The following IGFALS variants were observed in gnomAD, a reference collection of about 807,000 sequenced individuals.
IGFALS encodes the protein insulin like growth factor binding protein acid labile subunit, also known as insulin-like growth factor-binding protein complex acid labile subunit.
A neutral mutation model predicts 2.6 loss-of-function variants in IGFALS; 2 were observed. The observed-to-expected ratio is 0.77, with a 90% CI of 0.32 to 2.44. The LOEUF (loss-of-function observed/expected upper bound fraction) is 2.44, where lower values mean the gene tolerates loss of function less well. IGFALS is among the 30% of genes most tolerant of loss of function. The probability of loss-of-function intolerance (pLI) is 0.11; values close to 1 mark genes in which losing one functional copy is unlikely to be tolerated. For missense variants in IGFALS, 996 were observed against 848.7 expected (o/e 1.17, Z -2.16); for synonymous variants, 519 against 431.9 (o/e 1.20, Z -2.50).
At position 1,793,667 on chromosome 16, in the gene IGFALS, A is replaced by T; in HGVS notation, c.-15T>A. ...CTCAGGGCCATCCTGCATGCAGGGC[A>T]GGCTGCAGGCAGGCAGCGAGGGAGG... On this transcript the variant is annotated 5_prime_UTR_variant, in exon 1 of 2. Transcript: ENST00000215539. 6.3e-7 allele frequency: 1 copy of T among 1,592,488 alleles called. No individual in the cohort carries two copies. Among genetic ancestry groups the T allele is most frequent in the Non-Finnish European group, 8.6e-7 (1 of 1,169,130 alleles).
chr16:1,792,011 C>T lies in IGFALS; in HGVS notation c.407G>A (p.Ser136Asn). The change falls in exon 2 of 2, where the codon AGC becomes AAC. Residue 136 changes from serine to asparagine, a missense_variant. By Grantham distance (46) the Ser-to-Asn change is conservative (BLOSUM62 1). Transcript: ENST00000215539. ...GTGTGCAAACGTGCCGAGTGCCAGG[C>T]TGCGCAGCTGGTTCCGCTCCAGGTG... ...HLHLERNQLR[S>N]LALGTFAHTP... The T allele has an allele frequency of 6.2e-7, 1 of 1,609,416 alleles. No homozygotes were observed. Among genetic ancestry groups the T allele is most frequent in the Non-Finnish European group, 8.5e-7 (1 of 1,179,216 alleles).
chr16:1,793,276 G>A (rs1897271777), intron 1 of IGFALS, among the ~76,000 whole-genome samples: 1 of 152,134 alleles, frequency 6.6e-6, no homozygotes, highest in African/African-American at 2.4e-5. Context: ...AGAGACAATG[G>A]GGTGTGAGCC....
upstream of IGFALS, among the ~76,000 whole-genome samples, chr16:1,794,576 A>T (rs35166201): frequency 2.6e-5 from 4 of 152,254 alleles, no homozygotes; most frequent in East Asian, 7.7e-4. Context: ...ACCTGCCTCC[A>T]GAGGCCCCTG....
Position 1,791,003 on chromosome 16 carries a change from T to G in IGFALS, c.1415A>C (p.Glu472Ala), listed in dbSNP as rs1053975229. ...YLLLSRNRLA[E>A]LPADALGPLQ... ...GGGGCCCAGGGCGTCCGCCGGCAGCTCTGCCAGGCGGTTGCGGGAGAGCAG... is the reference window on the plus strand; with the variant it reads ...GGGGCCCAGGGCGTCCGCCGGCAGCGCTGCCAGGCGGTTGCGGGAGAGCAG... Residue 472 changes from glutamate to alanine, a missense_variant, in exon 2 of 2, where the codon GAG (glutamate) becomes GCG (alanine). Coordinates refer to ENST00000215539, the MANE Select transcript of IGFALS (RefSeq NM_004970.3). 4.4e-6 allele frequency: 7 copies of G among 1,597,864 alleles called. No individual in the cohort carries two copies. In the African/African-American group the frequency reaches 9.3e-5, roughly 21 times the overall value.
At chr16:1,792,621 A>G in intron 1 of IGFALS, 2 of 804,196 alleles carry the variant, frequency 2.5e-6, no homozygotes, top group Non-Finnish European at 3.6e-6. Flanking sequence ...GCCCCGCTGC[A>G]CAGACGCTCA....
In IGFALS at chr16:1,790,877, C is replaced by T; in HGVS notation, c.1541G>A (p.Arg514Lys). 6.4e-7 allele frequency: 1 copy of T among 1,570,380 alleles called. No homozygotes were observed. The highest frequency in any genetic ancestry group is 1.2e-5 in the South Asian group (1 of 86,450). ...PLGRLRYLSLRNNSLRTFTPQ... is the reference protein window; with the variant it reads ...PLGRLRYLSLKNNSLRTFTPQ... ...CGTGAAGGTCCGCAGTGAGTTGTTC[C>T]TGAGGCTGAGGTAGCGCAGCCGCCC... Residue 514 changes from arginine (R) to lysine (K), a missense_variant, in exon 2 of 2, where the codon AGG becomes AAG. By Grantham distance (26) the Arg-to-Lys change is conservative. Transcript: ENST00000215539.
In IGFALS at chr16:1,790,535, C is replaced by A. The variant is rs1014508625; in HGVS notation, c.*65G>T. The A allele has an allele frequency of 7.2e-7, 1 of 1,384,584 alleles. No individual in the cohort carries two copies. The highest frequency in any genetic ancestry group is 1.4e-5 in the African/African-American group (1 of 69,780). 85.8% of individuals were successfully genotyped at this position (1,384,584 alleles called of 1,614,324 possible). The stretch of plus-strand genomic sequence containing the variant: ...GGCAGGCCCCTGAGGACACTGAGGA[C>A]CTGTCCCCAGCACAAGGTGAGCCAG... On this transcript the variant is annotated 3_prime_UTR_variant, in exon 2 of 2. Transcript: ENST00000215539.
chr16:1,791,875 G>C lies in IGFALS; in HGVS notation c.543C>G (p.Ser181Arg), dbSNP rs767254134. The C allele has an allele frequency of 1.3e-6, 2 of 1,562,116 alleles. No individual in the cohort carries two copies. The highest frequency in any genetic ancestry group is 1.2e-5 in the South Asian group (1 of 85,502). ...ACGCCGCATCGGGGAGCACCGCCAGGCTATTCCAGCCGAGGTTGAGGTCCC... is the reference window on the plus strand; with the variant it reads ...ACGCCGCATCGGGGAGCACCGCCAGCCTATTCCAGCCGAGGTTGAGGTCCC... Reference protein sequence around the residue: ...SLWDLNLGWNSLAVLPDAAFR... With the variant: ...SLWDLNLGWNRLAVLPDAAFR... Residue 181 changes from serine (S) to arginine (R), a missense_variant, in exon 2 of 2, where the codon AGC (serine) becomes AGG (arginine). Ser to Arg is a moderately radical substitution (Grantham distance 110, BLOSUM62 -1). Coordinates refer to ENST00000215539, the MANE Select transcript of IGFALS (RefSeq NM_004970.3).
Position 1,790,512 on chromosome 16 carries a change from CAGGCCCCTG to C in IGFALS, c.*79_*87del, listed in dbSNP as rs1372046811. 1.7e-6 allele frequency: 2 copies of C among 1,152,902 alleles called. No individual in the cohort carries two copies. Among genetic ancestry groups the C allele is most frequent in the Non-Finnish European group, 1.3e-6 (1 of 793,004 alleles). 71.4% of individuals were successfully genotyped at this position (1,152,902 alleles called of 1,614,324 possible). A position where few individuals can be genotyped will look rare whatever the true frequency, so the allele number is the denominator to read the frequency against. ...TGCGTCTTCCAGCAAGTGCACTGGG[CAGGCCCCTG>C]AGGACACTGAGGACCTGTCCCCAGC... On this transcript the variant is annotated 3_prime_UTR_variant, in exon 2 of 2. Coordinates refer to ENST00000215539, the MANE Select transcript of IGFALS (RefSeq NM_004970.3).
In IGFALS at chr16:1,792,315, C is replaced by T. The variant is rs1033116111; in HGVS notation, c.103G>A (p.Glu35Lys). 6.3e-7 allele frequency: 1 copy of T among 1,596,694 alleles called. No individual in the cohort carries two copies. Among genetic ancestry groups the T allele is most frequent in the Non-Finnish European group, 8.5e-7 (1 of 1,178,288 alleles). Residue 35 changes from glutamate (E) to lysine (K), a missense_variant, in exon 2 of 2, where the codon GAA (glutamate) becomes AAA (lysine). Coordinates refer to ENST00000215539, the MANE Select transcript of IGFALS (RefSeq NM_004970.3). ...GCCGGGCACGCTGGGCCCTCGGCTT[C>T]CCCCGGCGTTCCGGGGTCTGCTCCC... ...LEGADPGTPG[E>K]AEGPACPAAC... is the part of the protein sequence containing the mutation.
In IGFALS at chr16:1,790,808, G is replaced by A. The variant is rs1476314842; in HGVS notation, c.1610C>T (p.Pro537Leu). The change falls in exon 2 of 2, where the codon CCC (proline) becomes CTC (leucine). Residue 537 changes from proline to leucine, a missense_variant. Coordinates refer to ENST00000215539, the MANE Select transcript of IGFALS (RefSeq NM_004970.3). ...CTTGAGAGGGCAGCCACAGTCCCAG[G>A]GGTTACCCTCCAGCCACAGGCGCTC... is the stretch of plus-strand genomic sequence containing the variant. Reference protein sequence around the residue: ...GLERLWLEGNPWDCGCPLKAL... With the variant: ...GLERLWLEGNLWDCGCPLKAL... 2 of 1,570,678 alleles carry A rather than the reference G, an allele frequency of 1.3e-6. No homozygotes were observed. Among genetic ancestry groups the A allele is most frequent in the Non-Finnish European group, 1.7e-6 (2 of 1,159,324 alleles).
rs750805765 is a variant in IGFALS at position 1,792,015 on chromosome 16, G to A, written c.403C>T (p.Arg135Cys). 6.5e-5 allele frequency: 105 copies of A among 1,609,540 alleles called. No individual in the cohort carries two copies. Among genetic ancestry groups the A allele is most frequent in the East Asian group, 1.1e-4 (5 of 44,816 alleles). ...CHLHLERNQL[R>C]SLALGTFAHT... ...GCAAACGTGCCGAGTGCCAGGCTGC[G>A]CAGCTGGTTCCGCTCCAGGTGCAGG... is the stretch of plus-strand genomic sequence containing the variant. Residue 135 changes from arginine to cysteine, a missense_variant, in exon 2 of 2, where the codon CGC becomes TGC. Transcript: ENST00000215539.
intron 1 of IGFALS, 200 bp from the exon 2 acceptor site, chr16:1,792,601 T>C: frequency 9.8e-7 from 1 of 1,015,720 alleles, no homozygotes; most frequent in Non-Finnish European, 1.4e-6. Flanking sequence ...GACAGAGGAG[T>C]GGCCGCCCCG....
At chr16:1,792,557 C>T in intron 1 of IGFALS, 156 bp from the exon 2 acceptor site, 1 of 1,380,408 alleles carries the variant, frequency 7.2e-7, no homozygotes. Context: ...GGTCCTCCGG[C>T]TCAAAAGCTG....
Position 1,791,564 on chromosome 16 carries a change from G to T in IGFALS, c.854C>A (p.Thr285Lys), listed in dbSNP as rs1176454073. The change falls in exon 2 of 2, where the codon ACG becomes AAG. Residue 285 changes from threonine (T) to lysine (K), a missense_variant. By Grantham distance (78) the Thr-to-Lys change is moderately conservative (BLOSUM62 -1). Transcript: ENST00000215539. The stretch of plus-strand genomic sequence containing the variant: ...ACGCAGGCCCAGCAGACCGGGGAAC[G>T]TGTCCTCCAGGAGGCCAGCCACGCG... ...HNRVAGLLED[T>K]FPGLLGLRVL... 4 of 1,567,036 alleles carry T rather than the reference G, an allele frequency of 2.6e-6. No individual in the cohort carries two copies. Among genetic ancestry groups the T allele is most frequent in the East Asian group, 2.4e-5 (1 of 41,768 alleles).
intron 1 of IGFALS, chr16:1,792,654 G>A (rs760079409): frequency 2.1e-5 from 11 of 527,058 alleles, no homozygotes; most frequent in Non-Finnish European, 2.6e-5. Flanking sequence ...CCAGCTGTGC[G>A]CAGGCCACGT....
chr16:1,794,509 G>C (rs1051238641), upstream of IGFALS, among the ~76,000 whole-genome samples: 3 of 152,156 alleles, frequency 2.0e-5, no homozygotes, highest in African/African-American at 7.2e-5. Flanking sequence ...TGTGTGCAGA[G>C]AGGCCACAGG....
Position 1,792,096 on chromosome 16 carries a change from C to T in IGFALS, c.322G>A (p.Gly108Ser), listed in dbSNP as rs535964508. Residue 108 changes from glycine (G) to serine (S), a missense_variant, in exon 2 of 2, where the codon GGC (glycine) becomes AGC (serine). Gly to Ser is a moderately conservative substitution (Grantham distance 56). Transcript: ENST00000215539. ...TGTGGCTCCAGGCTGCCCAGCTGGCCGCCCTGCAGGTTGAGGAAGCCCAGG... is the reference window on the plus strand; with the variant it reads ...TGTGGCTCCAGGCTGCCCAGCTGGCTGCCCTGCAGGTTGAGGAAGCCCAGG... ...SSLGFLNLQG[G>S]QLGSLEPQAL... The T allele has an allele frequency of 1.3e-5, 21 of 1,610,176 alleles. No individual in the cohort carries two copies. Among genetic ancestry groups the T allele is most frequent in the South Asian group, 6.6e-5 (6 of 90,674 alleles).
chr16:1,791,044 G>A lies in IGFALS; in HGVS notation c.1374C>T (p.Gly458=). The change falls in exon 2 of 2, where the codon GGC becomes GGT. Residue 458 remains glycine, a synonymous_variant. Coordinates refer to ENST00000215539, the MANE Select transcript of IGFALS (RefSeq NM_004970.3). ...GGGAGAGCAGCAGGTACTCCAGCTTGCCCAGGCCCTGGAAGAGGCGGTGGG... is the reference window on the plus strand; with the variant it reads ...GGGAGAGCAGCAGGTACTCCAGCTTACCCAGGCCCTGGAAGAGGCGGTGGG... ...HLPHRLFQGL[G]KLEYLLLSRN... The A allele has an allele frequency of 1.9e-6, 3 of 1,598,562 alleles. No individual in the cohort carries two copies. Among genetic ancestry groups the A allele is most frequent in the Non-Finnish European group, 2.5e-6 (3 of 1,179,804 alleles).
Sources: allele counts gnomAD v4.1 joint callset (sites outside exome capture counted in the v4.1 genomes callset), GRCh38; gene constraint gnomAD v4.1.1; transcripts MANE v1.5; gene names NCBI Gene and HGNC (gene_info 2026-07-23, HGNC 2026-07-21).